SORCS1: variants seen among roughly 807,000 people sequenced by gnomAD.
SORCS1 encodes sortilin related VPS10 domain containing receptor 1, also known as VPS10 domain-containing receptor SorCS1.
SORCS1 carries 60 observed loss-of-function variants against 146.1 expected under a neutral mutation model. The observed-to-expected ratio is 0.41, with a 90% confidence interval of 0.33 to 0.51. The LOEUF is 0.51. Among genes scored for constraint, SORCS1 ranks in the 20% least tolerant of loss-of-function variants. The pLI is 0.21. For synonymous variants in SORCS1, 637 were observed against 584.0 expected (o/e 1.09, Z -1.31); for missense variants, 1,352 against 1,487.6 (o/e 0.91, Z 1.50).
chr10:106,759,590 T>C (rs1358162062), intron 5 of SORCS1, among the ~76,000 whole-genome samples: 3 of 152,202 alleles, frequency 2.0e-5, no homozygotes, highest in Admixed American at 6.5e-5. Context: ...TCTTGGAAAC[T>C]TAAAAGCCAC....
chr10:107,077,909 G>C (rs1425897008), intron 1 of SORCS1, among the ~76,000 whole-genome samples: 1 of 152,062 alleles, frequency 6.6e-6, no homozygotes, highest in Non-Finnish European at 1.5e-5. Flanking sequence ...AAGAGAATTA[G>C]GGTGAGAATT....
intron 3 of SORCS1, among the ~76,000 whole-genome samples, chr10:106,801,629 A>T (rs552122882): frequency 6.8e-6 from 1 of 147,096 alleles, no homozygotes; most frequent in East Asian, 2.0e-4. Context: ...TCCCAGGTTC[A>T]CGCCATTCTC....
At chr10:106,883,701 C>T (rs1950891108) in intron 2 of SORCS1, among the ~76,000 whole-genome samples, 1 of 152,216 alleles carries the variant, frequency 6.6e-6, no homozygotes, top group Non-Finnish European at 1.5e-5. Context: ...GCGTGAGCCA[C>T]CACGCCCGGC....
intron 9 of SORCS1, among the ~76,000 whole-genome samples, chr10:106,694,614 T>G (rs1853556457): frequency 6.6e-6 from 1 of 152,200 alleles, no homozygotes; most frequent in African/African-American, 2.4e-5. Context: ...CCCTACCTCC[T>G]AAACTAGATT....
At chr10:106,739,800 A>T (rs1857233072) in intron 5 of SORCS1, among the ~76,000 whole-genome samples, 1 of 151,878 alleles carries the variant, frequency 6.6e-6, no homozygotes, top group South Asian at 2.1e-4. Flanking sequence ...AAAACACAAA[A>T]AATTAGCTGG....
chr10:106,838,300 G>T (rs538382433), intron 2 of SORCS1, among the ~76,000 whole-genome samples: 36 of 152,160 alleles, frequency 2.4e-4, no homozygotes, highest in African/African-American at 7.9e-4. Context: ...AGCAGTTTCA[G>T]GTCCACAGCA....
At chr10:106,662,637 T>C (rs1256572722) in intron 17 of SORCS1, among the ~76,000 whole-genome samples, 2 of 152,200 alleles carry the variant, frequency 1.3e-5, no homozygotes, top group African/African-American at 4.8e-5. Flanking sequence ...GACACAGGGT[T>C]CCCAGTGGCT....
chr10:106,860,324 C>G (rs547710800), intron 2 of SORCS1, among the ~76,000 whole-genome samples: 1 of 152,342 alleles, frequency 6.6e-6, no homozygotes. Context: ...CAACCCCAAT[C>G]TCCAGGTACT....
chr10:106,692,984 C>CA (rs1232157431), intron 9 of SORCS1, among the ~76,000 whole-genome samples: 1 of 151,730 alleles, frequency 6.6e-6, no homozygotes, highest in Non-Finnish European at 1.5e-5. Flanking sequence ...TTCTAGAATA[C>CA]AAAAAAACTG....
chr10:107,171,704 C>T, the SORCS1 span, among the ~76,000 whole-genome samples: 95 of 151,974 alleles, frequency 6.3e-4, no homozygotes, highest in African/African-American at 1.9e-3. Context: ...TTAGTAGAGA[C>T]GGGGTTTCAC....
chr10:106,582,144 C>A (rs952013053), intron 24 of SORCS1, among the ~76,000 whole-genome samples: 2 of 151,916 alleles, frequency 1.3e-5, no homozygotes, highest in African/African-American at 4.8e-5. Flanking sequence ...CACATACACA[C>A]ACACACACAC....
At chr10:106,585,874 A>G (rs775670530) in intron 24 of SORCS1, among the ~76,000 whole-genome samples, 41 of 152,208 alleles carry the variant, frequency 2.7e-4, no homozygotes, top group Admixed American at 1.3e-3. Flanking sequence ...TTCCAACCAA[A>G]GCATGCTAGA....
chr10:106,659,626 G>A (rs998791669), intron 17 of SORCS1, among the ~76,000 whole-genome samples: 4 of 152,112 alleles, frequency 2.6e-5, no homozygotes, highest in African/African-American at 9.7e-5. Flanking sequence ...TAAGGAAAAG[G>A]AAACACAGTT....
intron 2 of SORCS1, among the ~76,000 whole-genome samples, chr10:106,902,256 T>C (rs1249414171): frequency 6.6e-6 from 1 of 152,136 alleles, no homozygotes; most frequent in African/African-American, 2.4e-5. Flanking sequence ...ATTTTTAAAA[T>C]AGTCCCTAAC....
intron 1 of SORCS1, among the ~76,000 whole-genome samples, chr10:107,090,112 GTCTC>G (rs764781744): frequency 1.2e-4 from 19 of 152,254 alleles, no homozygotes; most frequent in Admixed American, 5.9e-4. Context: ...AGGGGTTCAG[GTCTC>G]TCTCTGGGAT....
intron 1 of SORCS1, among the ~76,000 whole-genome samples, chr10:107,162,896 T>C (rs889889457): frequency 3.3e-5 from 5 of 152,194 alleles, no homozygotes; most frequent in African/African-American, 9.7e-5. Flanking sequence ...GAAATTTTTT[T>C]CCCCCATTTT....
chr10:106,997,048 T>A (rs2139567267), intron 1 of SORCS1, among the ~76,000 whole-genome samples: 1 of 150,736 alleles, frequency 6.6e-6, no homozygotes, highest in South Asian at 2.1e-4. Context: ...TTTTTTTTTC[T>A]TTATAAAGCT....
At chr10:106,718,755 C>G (rs1053082406) in intron 6 of SORCS1, among the ~76,000 whole-genome samples, 3 of 152,200 alleles carry the variant, frequency 2.0e-5, no homozygotes, top group East Asian at 3.9e-4. Context: ...CTGATTGGTG[C>G]ACTTACAAAC....
intron 1 of SORCS1, among the ~76,000 whole-genome samples, chr10:106,968,085 C>G (rs1955590517): frequency 6.6e-6 from 1 of 151,616 alleles, no homozygotes; most frequent in Non-Finnish European, 1.5e-5. Context: ...TGGCGGGTGC[C>G]TGTAGTCCCA....
Sources: gnomAD v4.1 joint callset for allele counts (sites outside exome capture counted in the v4.1 genomes callset) on GRCh38, gnomAD v4.1.1 for gene constraint, MANE v1.5 for transcripts, NCBI Gene and HGNC (gene_info 2026-07-23, HGNC 2026-07-21) for gene names.